Variants in PDE8B observed in about 807,000 individuals in gnomAD.
The protein encoded by PDE8B is high affinity cAMP-specific and IBMX-insensitive 3',5'-cyclic phosphodiesterase 8B.
In PDE8B, 26 loss-of-function variants were observed where a neutral mutation model predicts 101.3. The observed-to-expected ratio is 0.26, with a 90% CI of 0.19 to 0.36. The LOEUF is 0.36. PDE8B is among the 10% of genes least tolerant of loss of function. The pLI is 1.00. For missense variants in PDE8B, 810 were observed against 1,163.1 expected (o/e 0.70, Z 4.42); for synonymous variants, 424 against 429.3 (o/e 0.99, Z 0.15).
the PDE8B span, among the ~76,000 whole-genome samples, chr5:77,137,784 T>TG: frequency 1.3e-5 from 2 of 152,040 alleles, no homozygotes; most frequent in East Asian, 3.9e-4. Context: ...GTGGTTTATG[T>TG]GGGGGTAAAA....
intron 1 of PDE8B, among the ~76,000 whole-genome samples, chr5:77,287,912 T>G (rs1766388497): frequency 6.6e-6 from 1 of 152,234 alleles, no homozygotes; most frequent in Admixed American, 6.5e-5. Context: ...TATCTGGATC[T>G]TCCACGTGTC....
the PDE8B span, chr5:77,113,007 A>C: frequency 2.0e-5 from 3 of 152,226 alleles, no homozygotes; most frequent in Non-Finnish European, 4.4e-5. Flanking sequence ...CTGCTCAATG[A>C]AATAAAAGAG....
At chr5:77,392,190 G>A (rs1399974345) in intron 10 of PDE8B, among the ~76,000 whole-genome samples, 6 of 152,168 alleles carry the variant, frequency 3.9e-5, no homozygotes, top group South Asian at 2.1e-4. Flanking sequence ...TCAGTTTTAT[G>A]TGATGATTTT....
chr5:77,181,013 C>T, the PDE8B span, among the ~76,000 whole-genome samples: 5 of 149,968 alleles, frequency 3.3e-5, no homozygotes. Context: ...TGCGCGCGCA[C>T]CTCAGTGCCT....
intron 1 of PDE8B, among the ~76,000 whole-genome samples, chr5:77,245,839 T>TTCCCCCCCC (rs1561407187): frequency 6.6e-4 from 4 of 6,076 alleles, no homozygotes; most frequent in Non-Finnish European, 1.4e-3. Flanking sequence ...TATAACCTCC[T>TTCCCCCCCC]CCCCCCCCCG....
At chr5:77,144,574 TA>T in the PDE8B span, 7 of 146,406 alleles carry the variant, frequency 4.8e-5, no homozygotes, top group African/African-American at 1.5e-4. Flanking sequence ...TAGATATATA[TA>T]AAAATGTTGG....
the PDE8B span, among the ~76,000 whole-genome samples, chr5:77,099,902 G>T: frequency 6.6e-6 from 1 of 152,148 alleles, no homozygotes; most frequent in African/African-American, 2.4e-5. Flanking sequence ...GAACCACAAC[G>T]CCCGGCCCGG....
At chr5:77,170,158 A>C in the PDE8B span, among the ~76,000 whole-genome samples, 1 of 152,188 alleles carries the variant, frequency 6.6e-6, no homozygotes, top group East Asian at 1.9e-4. Flanking sequence ...TTCCTCCATC[A>C]TACCCAACTG....
intron 10 of PDE8B, among the ~76,000 whole-genome samples, chr5:77,389,479 ATC>A (rs146713715): frequency 0.044 from 6,706 of 152,212 alleles, 170 homozygotes; most frequent in African/African-American, 0.076. Context: ...TTCTGCGGCG[ATC>A]TCTCTGGAAG....
rs578139566 is a variant in PDE8B at position 77,242,241 on chromosome 5, G to T, written c.339+30977G>T. ...ATTTTCCCCTCACTGGTATCCCTCA[G>T]CCTGTATCCAGTGCTCTCCAAGAGA... On this transcript the variant is annotated intron_variant, in intron 1 of 21. Coordinates refer to ENST00000264917, the MANE Select transcript of PDE8B (RefSeq NM_003719.5). 9.2e-5 allele frequency among the ~76,000 whole-genome samples: 14 copies of T among 152,224 alleles called. No homozygotes were observed. In the South Asian group the frequency reaches 2.9e-3, roughly 32 times the overall value.
intron 7 of PDE8B, among the ~76,000 whole-genome samples, chr5:77,345,830 G>A (rs1299313340): frequency 6.6e-6 from 1 of 152,174 alleles, no homozygotes; most frequent in Non-Finnish European, 1.5e-5. Flanking sequence ...GGGCACCAAA[G>A]ACAGTGGGCA....
rs776953655 is a variant in PDE8B at position 77,407,378 on chromosome 5, C to T, written c.1289-3C>T. On this transcript the variant is annotated splice_region_variant and splice_polypyrimidine_tract_variant and intron_variant, in intron 12 of 21. Transcript: ENST00000264917. ...GGACACAGCTTTCTTGCCTTCTCTC[C>T]AGCACCAAGCCTGCAGAATCGTCGC... 27 of 1,613,562 alleles carry T rather than the reference C, an allele frequency of 1.7e-5. No individual in the cohort carries two copies. The African/African-American group carries it at 2.8e-4, about 17-fold the overall frequency.
At chr5:77,228,023 G>A (rs1234366130) in intron 1 of PDE8B, among the ~76,000 whole-genome samples, 2 of 152,168 alleles carry the variant, frequency 1.3e-5, no homozygotes, top group Non-Finnish European at 2.9e-5. Flanking sequence ...CTGTACTTCA[G>A]GGTGTCTTAC....
chr5:77,161,314 A>G, the PDE8B span, among the ~76,000 whole-genome samples: 1 of 152,148 alleles, frequency 6.6e-6, no homozygotes, highest in Non-Finnish European at 1.5e-5. Flanking sequence ...TTTTCCACAA[A>G]GCATGATTTT....
At chr5:77,133,700 G>C in the PDE8B span, among the ~76,000 whole-genome samples, 3 of 152,136 alleles carry the variant, frequency 2.0e-5, no homozygotes, top group Non-Finnish European at 2.9e-5. Flanking sequence ...ATTTGGATTT[G>C]TGCTGAGAAG....
chr5:77,283,086 G>A (rs955751766), intron 1 of PDE8B, among the ~76,000 whole-genome samples: 2 of 152,144 alleles, frequency 1.3e-5, no homozygotes, highest in African/African-American at 4.8e-5. Context: ...TATTATTGAT[G>A]AGGATACAAA....
At chr5:77,165,878 T>C in the PDE8B span, among the ~76,000 whole-genome samples, 1 of 150,578 alleles carries the variant, frequency 6.6e-6, no homozygotes, top group Non-Finnish European at 1.5e-5. Context: ...TGGTGGTGCA[T>C]GCCTGTAATC....
the PDE8B span, among the ~76,000 whole-genome samples, chr5:77,090,262 C>T: frequency 2.6e-5 from 4 of 151,810 alleles, no homozygotes; most frequent in South Asian, 2.1e-4. Context: ...TTTTTTGAGA[C>T]GGAGTCTTGC....
At chr5:77,396,154 C>T (rs1011898543) in intron 10 of PDE8B, among the ~76,000 whole-genome samples, 1 of 152,246 alleles carries the variant, frequency 6.6e-6, no homozygotes, top group African/African-American at 2.4e-5. Flanking sequence ...GCTGATGATG[C>T]CTATCTACAA....
Sources: allele counts gnomAD v4.1 joint callset (sites outside exome capture counted in the v4.1 genomes callset), GRCh38; gene constraint gnomAD v4.1.1; transcripts MANE v1.5; gene names NCBI Gene and HGNC (gene_info 2026-07-23, HGNC 2026-07-21).